IDE: variants seen among roughly 807,000 people sequenced by gnomAD.
IDE encodes the protein insulin-degrading enzyme.
Under a neutral mutation model 133.2 loss-of-function variants are expected in IDE, and 58 were observed. The ratio of observed to expected loss-of-function variants is 0.44; its 90% CI spans 0.35 to 0.54. The LOEUF (loss-of-function observed/expected upper bound fraction) is 0.54. IDE is among the 20% of genes least tolerant of loss of function. The pLI is 0.00. For synonymous variants in IDE, 396 were observed against 421.3 expected (o/e 0.94, Z 0.73); for missense variants, 981 against 1,234.0 (o/e 0.79, Z 3.07).
intron 20 of IDE, 94 bp from the exon 21 acceptor site, chr10:92,464,097 T>A: frequency 7.6e-7 from 1 of 1,315,742 alleles, no homozygotes; most frequent in Non-Finnish European, 1.1e-6. Flanking sequence ...GCAAATAAAA[T>A]CTAGTTTAAG....
At chr10:92,499,523 C>T (rs1847897025) in intron 11 of IDE, among the ~76,000 whole-genome samples, 1 of 152,176 alleles carries the variant, frequency 6.6e-6, no homozygotes, top group Non-Finnish European at 1.5e-5. Flanking sequence ...ACCTCCACCT[C>T]CTGGGCTCAA....
rs765801169 is a variant in IDE, at chr10:92,483,339, T to G, written c.1657-2A>C. 1 of 1,577,846 alleles carries G rather than the reference T, an allele frequency of 6.3e-7. No individual in the cohort carries two copies. The highest frequency in any genetic ancestry group is 8.7e-7 in the Non-Finnish European group (1 of 1,148,798). ...CCAAAGTTTGCTCATAGCTGTATCC[T>G]GTGATGGAGAAACAATTTGGTTAGG... On this transcript the variant is annotated splice_acceptor_variant, in intron 13 of 24. Coordinates refer to ENST00000265986, the MANE Select transcript of IDE (RefSeq NM_004969.4). LOFTEE classifies it high-confidence loss of function.
At chr10:92,540,471 T>G (rs569629625) in intron 1 of IDE, among the ~76,000 whole-genome samples, 8 of 152,280 alleles carry the variant, frequency 5.3e-5, no homozygotes, top group Non-Finnish European at 1.0e-4. Context: ...AGGGCAGTGT[T>G]AAAACGGCAG....
Position 92,455,567 on chromosome 10 carries a change from A to C in IDE, c.2964+9T>G. The stretch of plus-strand genomic sequence containing the variant: ...TCAGTACAATCTAACATAACGTTAT[A>C]TTTCTTACTTGTGGCAAGGCTGGTG... On this transcript the variant is annotated intron_variant, in intron 24 of 24. Transcript: ENST00000265986. 1 of 1,528,894 alleles carries C rather than the reference A, an allele frequency of 6.5e-7. No individual in the cohort carries two copies. Among genetic ancestry groups the C allele is most frequent in the Non-Finnish European group, 9.1e-7 (1 of 1,103,326 alleles). The allele number at this position is 1,528,894 out of a possible 1,614,324, so 94.7% of individuals were successfully genotyped here.
chr10:92,456,393 T>C lies in IDE; in HGVS notation c.2862A>G (p.Val954=). Residue 954 remains valine (V), a synonymous_variant, in exon 23 of 25, where the codon GTA becomes GTG. Transcript: ENST00000265986. Reference sequence around the variant, plus strand: ...TTTCCCTGGCAAGAACATGGACGGATACCTTATGTCTCCTTGGAGCATCTA... The same window carrying C: ...TTTCCCTGGCAAGAACATGGACGGACACCTTATGTCTCCTTGGAGCATCTA... The part of the protein sequence containing the change: ...LAVDAPRRHK[V]SVHVLAREMD... The C allele has an allele frequency of 9.9e-6, 16 of 1,613,976 alleles. No homozygotes were observed. Among genetic ancestry groups the C allele is most frequent in the Non-Finnish European group, 1.4e-5 (16 of 1,179,830 alleles).
At chr10:92,568,573 T>C (rs1589560513) in intron 1 of IDE, among the ~76,000 whole-genome samples, 1 of 152,180 alleles carries the variant, frequency 6.6e-6, no homozygotes, top group Non-Finnish European at 1.5e-5. Flanking sequence ...CCCAGCACTT[T>C]GGGAGGCTGA....
At chr10:92,556,753 G>A (rs1053180429) in intron 1 of IDE, among the ~76,000 whole-genome samples, 1 of 151,674 alleles carries the variant, frequency 6.6e-6, no homozygotes, top group African/African-American at 2.4e-5. Context: ...GCGAAAGTCT[G>A]TCTCAAAAAC....
At chr10:92,553,391 T>C (rs150457441) in intron 1 of IDE, among the ~76,000 whole-genome samples, 3,164 of 148,724 alleles carry the variant, frequency 0.021, 48 homozygotes, top group Admixed American at 0.053. Context: ...GCCACTGCAC[T>C]CCAGCCTGGG....
At chr10:92,464,152 G>C in intron 20 of IDE, 149 bp from the exon 21 acceptor site, 2 of 752,136 alleles carry the variant, frequency 2.7e-6, no homozygotes, top group Non-Finnish European at 4.4e-6. Context: ...CACTTAAGAT[G>C]GTTTCAGTTC....
intron 18 of IDE, 51 bp from the exon 19 acceptor site, chr10:92,469,041 G>T: frequency 2.0e-6 from 2 of 1,020,988 alleles, no homozygotes; most frequent in Non-Finnish European, 3.1e-6. Flanking sequence ...AACATATCTT[G>T]TTTGTGAAAT....
chr10:92,544,205 C>T lies in IDE; in HGVS notation c.99-6655G>A, dbSNP rs181433021. Among the ~76,000 whole-genome samples the T allele has an allele frequency of 4.0e-3, 602 of 151,036 alleles. 14 individuals carry two copies. The highest frequency in any genetic ancestry group is 9.0e-4 in the Non-Finnish European group (61 of 67,824). Reference sequence around the variant, plus strand: ...CCAAGATTGCGCCACTGCACTCCAGCCTGGGTGACAGAGCGAGACACCATC... The same window carrying T: ...CCAAGATTGCGCCACTGCACTCCAGTCTGGGTGACAGAGCGAGACACCATC... On this transcript the variant is annotated intron_variant, in intron 1 of 24. Transcript: ENST00000265986.
At chr10:92,515,113 C>A in intron 4 of IDE, 71 bp from the exon 5 acceptor site, 1 of 1,188,002 alleles carries the variant, frequency 8.4e-7, no homozygotes, top group Non-Finnish European at 1.2e-6. Context: ...GTAATTATCA[C>A]TGATATTGCT....
At chr10:92,523,206 C>A (rs889353050) in intron 4 of IDE, among the ~76,000 whole-genome samples, 1 of 151,384 alleles carries the variant, frequency 6.6e-6, no homozygotes, top group South Asian at 2.1e-4. Context: ...CATGGTGAAA[C>A]CCTGTCTCTA....
rs963209142 is a variant in IDE at position 92,487,271 on chromosome 10, C to A, written c.1581G>T (p.Lys527Asn). The change falls in exon 13 of 25, where the codon AAG becomes AAT. Residue 527 changes from lysine to asparagine, a missense_variant. Physicochemically the swap from Lys to Asn is moderately conservative, Grantham distance 94 (BLOSUM62 0). Transcript: ENST00000265986. ...CAAAATTCGTAGGAATAAATTCATT[C>A]TTTGTAGGAAGTTTAAATTTCCCAT... Reference protein sequence around the residue: ...DLNGKFKLPTKNEFIPTNFEI... With the variant: ...DLNGKFKLPTNNEFIPTNFEI... 6.2e-7 allele frequency: 1 copy of A among 1,612,684 alleles called. No homozygotes were observed. The highest frequency in any genetic ancestry group is 8.5e-7 in the Non-Finnish European group (1 of 1,179,130).
intron 1 of IDE, among the ~76,000 whole-genome samples, chr10:92,551,920 G>A (rs1368715140): frequency 6.6e-6 from 1 of 152,122 alleles, no homozygotes; most frequent in Non-Finnish European, 1.5e-5. Context: ...AAGATCACTT[G>A]AGGCCAGGAG....
chr10:92,521,868 A>G (rs189061188), intron 4 of IDE, among the ~76,000 whole-genome samples: 1 of 152,254 alleles, frequency 6.6e-6, no homozygotes, highest in Admixed American at 6.5e-5. Context: ...TTATGTTTTT[A>G]AAAATGAATT....
intron 1 of IDE, among the ~76,000 whole-genome samples, chr10:92,544,579 C>T (rs986070010): frequency 1.3e-5 from 2 of 152,218 alleles, no homozygotes; most frequent in African/African-American, 4.8e-5. Context: ...GGAAATCATA[C>T]ACTGGTTTAT....
chr10:92,508,660 A>G, intron 7 of IDE, 68 bp downstream of exon 7: 3 of 1,429,860 alleles, frequency 2.1e-6, no homozygotes, highest in East Asian at 2.3e-5. Flanking sequence ...GACACTATTC[A>G]GGAGAAAATG....
In IDE at chr10:92,522,463, A is replaced by ATC. The variant is rs1849279558; in HGVS notation, c.662-7423_662-7422dup. Among the ~76,000 whole-genome samples, 3 of 152,028 alleles carry ATC rather than the reference A, an allele frequency of 2.0e-5. No homozygotes were observed. In the East Asian group the frequency reaches 5.8e-4, roughly 29 times the overall value. On this transcript the variant is annotated intron_variant, in intron 4 of 24. Transcript: ENST00000265986. ...ATACAGATAGTTCCACTACCACCCT[A>ATC]TCTCTCTCCTCTCTGTACTCCCTGC...
Sources: gnomAD v4.1 joint callset for allele counts (sites outside exome capture counted in the v4.1 genomes callset) on GRCh38, gnomAD v4.1.1 for gene constraint, MANE v1.5 for transcripts, NCBI Gene and HGNC (gene_info 2026-07-23, HGNC 2026-07-21) for gene names.